STARD13: variants seen among roughly 807,000 people sequenced by gnomAD.
The protein encoded by STARD13 is StAR related lipid transfer domain containing 13.
Under a neutral mutation model 106.4 loss-of-function variants are expected in STARD13, and 62 were observed. The ratio of observed to expected loss-of-function variants is 0.58; its 90% CI spans 0.48 to 0.72. The LOEUF is 0.72. STARD13 is among the 30% of genes least tolerant of loss of function. The pLI is 0.00. For missense variants in STARD13, 1,387 were observed against 1,424.0 expected (o/e 0.97, Z 0.42); for synonymous variants, 565 against 553.0 (o/e 1.02, Z -0.31).
At chr13:33,495,407 C>T in the STARD13 span, among the ~76,000 whole-genome samples, 19 of 152,150 alleles carry the variant, frequency 1.2e-4, no homozygotes, top group Non-Finnish European at 2.4e-4. Flanking sequence ...CTCCTCTATA[C>T]ATGGTACTAT....
rs1421108440 is a variant in STARD13 at position 33,219,556 on chromosome 13, G to T, written c.170-51934C>A. On this transcript the variant is annotated intron_variant, in intron 1 of 13. Coordinates refer to ENST00000336934, the MANE Select transcript of STARD13 (RefSeq NM_178006.4). ...AAAAAAAAAAAAAAAAATAGGTCAGGTGCAGTGGCTCACAGCTGTAATCCT... is the reference window on the plus strand; with the variant it reads ...AAAAAAAAAAAAAAAAATAGGTCAGTTGCAGTGGCTCACAGCTGTAATCCT... 6.2e-5 allele frequency among the ~76,000 whole-genome samples: 9 copies of T among 145,134 alleles called. No individual in the cohort carries two copies. In the Admixed American group the frequency reaches 6.3e-4, roughly 10 times the overall value.
chr13:33,650,197 T>G, the STARD13 span, among the ~76,000 whole-genome samples: 1 of 105,932 alleles, frequency 9.4e-6, no homozygotes, highest in Admixed American at 9.8e-5. Context: ...TTTTTTTTTT[T>G]TTTTTTTTTT....
the STARD13 span, among the ~76,000 whole-genome samples, chr13:33,494,664 T>C: frequency 6.6e-6 from 1 of 152,100 alleles, no homozygotes; most frequent in African/African-American, 2.4e-5. Context: ...GTTAAGATTA[T>C]AGTCCAGATG....
intron 1 of STARD13, among the ~76,000 whole-genome samples, chr13:33,246,929 G>T (rs1889849033): frequency 6.6e-6 from 1 of 152,184 alleles, no homozygotes; most frequent in Admixed American, 6.6e-5. Flanking sequence ...GGGTGTGGTG[G>T]CTCATGCCTG....
intron 1 of STARD13, among the ~76,000 whole-genome samples, chr13:33,216,301 T>C (rs1433793503): frequency 1.3e-5 from 2 of 152,086 alleles, no homozygotes; most frequent in Non-Finnish European, 2.9e-5. Flanking sequence ...ATTGCAAAAA[T>C]GTGGAACCAA....
At chr13:33,465,245 A>T in the STARD13 span, among the ~76,000 whole-genome samples, 1 of 125,180 alleles carries the variant, frequency 8.0e-6, no homozygotes, top group South Asian at 2.4e-4. Flanking sequence ...TCACTCTGTC[A>T]CCCAGCCTGG....
intron 1 of STARD13, among the ~76,000 whole-genome samples, chr13:33,275,476 C>A (rs1646017062): frequency 6.6e-6 from 1 of 152,104 alleles, no homozygotes; most frequent in Non-Finnish European, 1.5e-5. Flanking sequence ...GAGACTGTTG[C>A]TCTTTTAATG....
At chr13:33,161,473 C>T (rs560880650) in intron 3 of STARD13, among the ~76,000 whole-genome samples, 1 of 152,234 alleles carries the variant, frequency 6.6e-6, no homozygotes, top group Non-Finnish European at 1.5e-5. Flanking sequence ...TGCCACCATG[C>T]CCAGCTAATT....
At chr13:33,577,228 A>G in the STARD13 span, among the ~76,000 whole-genome samples, 1 of 152,204 alleles carries the variant, frequency 6.6e-6, no homozygotes, top group Admixed American at 6.5e-5. Flanking sequence ...CAATTACATC[A>G]TGTTTTATCG....
chr13:33,518,009 A>AAACAAC, the STARD13 span, among the ~76,000 whole-genome samples: 38 of 150,344 alleles, frequency 2.5e-4, no homozygotes, highest in African/African-American at 8.3e-4. Context: ...TGGCAAAAAC[A>AAACAAC]AACAACAACA....
At chr13:33,302,027 G>A (rs1164976118) in intron 1 of STARD13, among the ~76,000 whole-genome samples, 1 of 152,110 alleles carries the variant, frequency 6.6e-6, no homozygotes, top group African/African-American at 2.4e-5. Flanking sequence ...AAAGGAGGAA[G>A]GACTGATACA....
intron 4 of STARD13, among the ~76,000 whole-genome samples, chr13:33,131,269 A>G (rs1277463515): frequency 1.3e-5 from 2 of 152,084 alleles, no homozygotes. Context: ...TTCTGAACTG[A>G]TTTTCAAATC....
the STARD13 span, among the ~76,000 whole-genome samples, chr13:33,675,024 T>A: frequency 6.6e-6 from 1 of 152,222 alleles, no homozygotes; most frequent in Non-Finnish European, 1.5e-5. Context: ...CACACCTACA[T>A]CCTGGGTGTC....
upstream of STARD13, among the ~76,000 whole-genome samples, chr13:33,351,903 C>T (rs2078082569): frequency 6.6e-6 from 1 of 152,194 alleles, no homozygotes; most frequent in African/African-American, 2.4e-5. Flanking sequence ...ACTTCTGCTA[C>T]ACTTCTAGTA....
At chr13:33,667,862 T>G in the STARD13 span, among the ~76,000 whole-genome samples, 1 of 152,252 alleles carries the variant, frequency 6.6e-6, no homozygotes, top group Non-Finnish European at 1.5e-5. Context: ...TAAAGGTTCC[T>G]CTGTACATCA....
the STARD13 span, among the ~76,000 whole-genome samples, chr13:33,473,899 G>A: frequency 6.6e-6 from 1 of 152,136 alleles, no homozygotes; most frequent in African/African-American, 2.4e-5. Context: ...AGGAATTTCT[G>A]TTTGCAGGTT....
the STARD13 span, among the ~76,000 whole-genome samples, chr13:33,496,671 T>C: frequency 1.3e-5 from 2 of 152,242 alleles, no homozygotes; most frequent in East Asian, 3.8e-4. Context: ...TTAACTCTTT[T>C]TCTATAACAC....
rs754756490 is a variant in STARD13 at position 33,109,912 on chromosome 13, C to A, written c.3008G>T (p.Ser1003Ile). ...QTEIYQYVLN[S>I]MAPHPSRDFV... Reference sequence around the variant, plus strand: ...GTCTCTGGAAGGATGGGGAGCCATGCTGTTCAGCACATACTGGTAGATCTC... The same window carrying A: ...GTCTCTGGAAGGATGGGGAGCCATGATGTTCAGCACATACTGGTAGATCTC... Residue 1003 changes from serine to isoleucine, a missense_variant, in exon 12 of 14, where the codon AGC (serine) becomes ATC (isoleucine). Ser to Ile is a moderately radical substitution (Grantham distance 142). Transcript: ENST00000336934. The A allele has an allele frequency of 6.2e-7, 1 of 1,614,238 alleles. No homozygotes were observed. The highest frequency in any genetic ancestry group is 8.5e-7 in the Non-Finnish European group (1 of 1,180,044).
At chr13:33,317,186 A>C (rs901401607) in intron 1 of STARD13, among the ~76,000 whole-genome samples, 1 of 152,084 alleles carries the variant, frequency 6.6e-6, no homozygotes, top group African/African-American at 2.4e-5. Flanking sequence ...CATTCTAAAA[A>C]TCCCATCTCT....
Sources: allele counts gnomAD v4.1 joint callset (sites outside exome capture counted in the v4.1 genomes callset), GRCh38; gene constraint gnomAD v4.1.1; transcripts MANE v1.5; gene names NCBI Gene and HGNC (gene_info 2026-07-23, HGNC 2026-07-21).